The following PALS1 variants were observed in gnomAD, a reference collection of about 807,000 sequenced individuals.
PALS1 encodes the protein protein associated with LIN7 1, MAGUK p55 family member.
In PALS1, 31 loss-of-function variants were observed where a neutral mutation model predicts 78.9. The observed-to-expected ratio is 0.39, with a 90% CI of 0.30 to 0.53. The LOEUF is 0.53. PALS1 is among the 20% of genes least tolerant of loss of function. The pLI is 0.67. For synonymous variants in PALS1, 276 were observed against 270.9 expected, an observed-to-expected ratio of 1.02 and a Z score of -0.18; for missense variants, 704 against 826.5, an observed-to-expected ratio of 0.85 and a Z score of 1.82.
At chr14:67,242,480 TTAC>T (rs1293272276) in intron 1 of PALS1, among the ~76,000 whole-genome samples, 1 of 152,260 alleles carries the variant, frequency 6.6e-6, no homozygotes, top group Non-Finnish European at 1.5e-5. Flanking sequence ...TAATGATAGT[TTAC>T]TAATTATGCT....
At chr14:67,268,211 C>T (rs192810902) in intron 1 of PALS1, among the ~76,000 whole-genome samples, 192 of 152,310 alleles carry the variant, frequency 1.3e-3, no homozygotes, top group Non-Finnish European at 2.3e-3. Flanking sequence ...TTCACATTCT[C>T]TCCAGTGCTT....
intron 14 of PALS1, among the ~76,000 whole-genome samples, chr14:67,327,482 A>T (rs900975628): frequency 2.4e-4 from 36 of 149,406 alleles, no homozygotes; most frequent in Admixed American, 6.7e-5. Flanking sequence ...ATGTATTTTT[A>T]TTTTATTTTT....
At chr14:67,262,355 T>G (rs1163553264) in intron 1 of PALS1, among the ~76,000 whole-genome samples, 2 of 152,120 alleles carry the variant, frequency 1.3e-5, no homozygotes. Flanking sequence ...CCAATTCTTA[T>G]CCCTATCCCC....
intron 1 of PALS1, among the ~76,000 whole-genome samples, chr14:67,250,930 A>C (rs1331344773): frequency 6.6e-6 from 1 of 152,160 alleles, no homozygotes; most frequent in Non-Finnish European, 1.5e-5. Context: ...TGTGTCTCTT[A>C]ATGTGTTATG....
At chr14:67,265,749 C>G (rs940455415) in intron 1 of PALS1, among the ~76,000 whole-genome samples, 2 of 150,550 alleles carry the variant, frequency 1.3e-5, no homozygotes. Context: ...CCCAGCTGCT[C>G]TGGAGGCTGA....
intron 9 of PALS1, among the ~76,000 whole-genome samples, chr14:67,316,478 T>C (rs2140971379): frequency 6.6e-6 from 1 of 152,310 alleles, no homozygotes; most frequent in African/African-American, 2.4e-5. Flanking sequence ...ATTGATATCC[T>C]TAATTTGAGA....
intron 3 of PALS1, among the ~76,000 whole-genome samples, chr14:67,289,192 T>C (rs1257863578): frequency 6.6e-6 from 1 of 152,024 alleles, no homozygotes; most frequent in Admixed American, 6.6e-5. Context: ...GGTCTCAAAC[T>C]CCTGACTTCG....
At chr14:67,278,621 G>A (rs2084548460) in intron 2 of PALS1, among the ~76,000 whole-genome samples, 1 of 152,154 alleles carries the variant, frequency 6.6e-6, no homozygotes, top group Admixed American at 6.5e-5. Flanking sequence ...TCAATCCCAT[G>A]TTAATTGTTG....
At chr14:67,327,879 A>G (rs916525444) in intron 14 of PALS1, among the ~76,000 whole-genome samples, 10 of 152,172 alleles carry the variant, frequency 6.6e-5, no homozygotes, top group Non-Finnish European at 1.3e-4. Flanking sequence ...TTCTTAATCC[A>G]GTCTATCATT....
At chr14:67,330,665 T>G (rs1051394851) in intron 14 of PALS1, among the ~76,000 whole-genome samples, 4 of 151,900 alleles carry the variant, frequency 2.6e-5, no homozygotes, top group African/African-American at 7.3e-5. Context: ...TCCATGTTGG[T>G]CAGGCTGGTC....
At chr14:67,327,867 T>C (rs952984627) in intron 14 of PALS1, among the ~76,000 whole-genome samples, 1 of 152,264 alleles carries the variant, frequency 6.6e-6, no homozygotes, top group African/African-American at 2.4e-5. Context: ...ATGTGCCACA[T>C]TTTCTTAATC....
At chr14:67,278,302 C>G (rs2084539994) in intron 2 of PALS1, among the ~76,000 whole-genome samples, 1 of 151,058 alleles carries the variant, frequency 6.6e-6, no homozygotes, top group South Asian at 2.1e-4. Context: ...TCCCAAAGTG[C>G]TGGGATTACA....
At chr14:67,322,140 G>T (rs1034702455) in intron 13 of PALS1, among the ~76,000 whole-genome samples, 6 of 152,060 alleles carry the variant, frequency 3.9e-5, no homozygotes, top group African/African-American at 1.4e-4. Flanking sequence ...GAGTTCAGGA[G>T]TTCCAGACCA....
At chr14:67,297,735 G>A (rs1476402808) in intron 4 of PALS1, among the ~76,000 whole-genome samples, 1 of 152,072 alleles carries the variant, frequency 6.6e-6, no homozygotes, top group Non-Finnish European at 1.5e-5. Context: ...AAAGGTAAAG[G>A]AGACATCAAG....
intron 1 of PALS1, among the ~76,000 whole-genome samples, chr14:67,266,998 T>A (rs1595570646): frequency 6.6e-6 from 1 of 151,932 alleles, no homozygotes; most frequent in South Asian, 2.1e-4. Flanking sequence ...ACCCACCTAC[T>A]CAGGAGGCTG....
At chr14:67,329,185 T>G (rs984983362) in intron 14 of PALS1, among the ~76,000 whole-genome samples, 1 of 152,180 alleles carries the variant, frequency 6.6e-6, no homozygotes, top group Non-Finnish European at 1.5e-5. Context: ...CTTGAAGAGG[T>G]CCTTCACATC....
chr14:67,264,954 A>C (rs72717369), intron 1 of PALS1, among the ~76,000 whole-genome samples: 7,406 of 152,138 alleles, frequency 0.049, 201 homozygotes, highest in East Asian at 0.058. Context: ...TCCATCCATG[A>C]GGGCAGATGA....
chr14:67,310,432 G>T (rs796832310), intron 8 of PALS1, among the ~76,000 whole-genome samples: 6 of 152,220 alleles, frequency 3.9e-5, no homozygotes, highest in African/African-American at 1.4e-4. Context: ...TAGAAATCAG[G>T]ATGATGTTTA....
intron 13 of PALS1, 91 bp downstream of exon 13, chr14:67,321,350 C>A: frequency 1.7e-6 from 2 of 1,192,678 alleles, no homozygotes; most frequent in South Asian, 1.3e-5. Context: ...CCAAGAACAG[C>A]GCGACCTAAT....
Sources: gnomAD v4.1 joint callset for allele counts (sites outside exome capture counted in the v4.1 genomes callset) on GRCh38, gnomAD v4.1.1 for gene constraint, MANE v1.5 for transcripts, NCBI Gene and HGNC (gene_info 2026-07-23, HGNC 2026-07-21) for gene names.